Variants in KLHL29 observed in about 807,000 individuals in gnomAD.
KLHL29 encodes kelch-like protein 29.
A neutral mutation model predicts 80.4 loss-of-function variants in KLHL29; 21 were observed. That is an observed-to-expected ratio of 0.26 (90% confidence interval 0.19 to 0.38). The LOEUF is 0.38. KLHL29 is among the 10% of genes least tolerant of loss of function. KLHL29 has a pLI of 1.00. For synonymous variants in KLHL29, 511 were observed against 526.8 expected (o/e 0.97, Z 0.41); for missense variants, 867 against 1,223.9 (o/e 0.71, Z 4.35).
intron 5 of KLHL29, among the ~76,000 whole-genome samples, chr2:23,673,670 G>T (rs966018330): frequency 6.8e-6 from 1 of 147,200 alleles, no homozygotes; most frequent in Non-Finnish European, 1.5e-5. Context: ...ATACACAGGG[G>T]TGCATACACA....
chr2:23,420,414 T>A (rs2103401214), intron 1 of KLHL29, among the ~76,000 whole-genome samples: 1 of 152,298 alleles, frequency 6.6e-6, no homozygotes, highest in Admixed American at 6.5e-5. Flanking sequence ...GGGGCTTGTT[T>A]TACGGGAGGC....
At chr2:23,536,978 G>A (rs1031066253) in intron 2 of KLHL29, among the ~76,000 whole-genome samples, 1 of 149,880 alleles carries the variant, frequency 6.7e-6, no homozygotes. Flanking sequence ...TCCTTCAGGT[G>A]TGGTGTAAAG....
At chr2:23,627,105 T>C (rs1157040402) in intron 3 of KLHL29, among the ~76,000 whole-genome samples, 1 of 152,182 alleles carries the variant, frequency 6.6e-6, no homozygotes, top group Non-Finnish European at 1.5e-5. Context: ...GAGGGCTGTT[T>C]CTGTGTCCCC....
intron 1 of KLHL29, among the ~76,000 whole-genome samples, chr2:23,391,530 G>T (rs74563576): frequency 0.018 from 2,678 of 152,206 alleles, 34 homozygotes; most frequent in Admixed American, 0.026. Context: ...CGCGTTCAAG[G>T]GTTCAAGCAA....
At chr2:23,614,919 A>G (rs1488687073) in intron 3 of KLHL29, among the ~76,000 whole-genome samples, 6 of 152,200 alleles carry the variant, frequency 3.9e-5, no homozygotes, top group Admixed American at 2.0e-4. Flanking sequence ...CTGGGCATTG[A>G]TGATGGGAAT....
intron 2 of KLHL29, among the ~76,000 whole-genome samples, chr2:23,510,132 C>T (rs572427720): frequency 6.6e-5 from 10 of 152,110 alleles, no homozygotes; most frequent in African/African-American, 2.4e-4. Context: ...TCCTAAAGAC[C>T]CTTTATTCAG....
At chr2:23,390,980 T>C (rs895051778) in intron 1 of KLHL29, among the ~76,000 whole-genome samples, 42 of 152,348 alleles carry the variant, frequency 2.8e-4, no homozygotes, top group African/African-American at 9.6e-4. Context: ...AGCATTCACA[T>C]TGTTGTGCAA....
chr2:23,496,630 G>A (rs1440037690), intron 2 of KLHL29, among the ~76,000 whole-genome samples: 1 of 152,218 alleles, frequency 6.6e-6, no homozygotes, highest in Non-Finnish European at 1.5e-5. Flanking sequence ...AGGAAGCAAG[G>A]CCTCAGTGGC....
intron 5 of KLHL29, among the ~76,000 whole-genome samples, chr2:23,671,623 T>A (rs1670766107): frequency 1.3e-5 from 2 of 152,170 alleles, no homozygotes; most frequent in Non-Finnish European, 2.9e-5. Context: ...GCAGAAGCCC[T>A]GAGGCTGCTC....
chr2:23,636,213 G>A (rs1669604635), intron 3 of KLHL29, among the ~76,000 whole-genome samples: 3 of 152,190 alleles, frequency 2.0e-5, no homozygotes, highest in Non-Finnish European at 4.4e-5. Context: ...CACCCACCCG[G>A]GGGCCCAGCC....
rs1558444800 is a variant in KLHL29, at chr2:23,693,789, G to A, written c.1542+261G>A. ...CAGGGAGAAGTGGGTCCCTGAGCCA[G>A]GGGGCTCTGGGGCTCCCAGGAACAC... is the stretch of plus-strand genomic sequence containing the variant. On this transcript the variant is annotated intron_variant, in intron 8 of 13. Coordinates refer to ENST00000486442, the MANE Select transcript of KLHL29 (RefSeq NM_052920.2). Among the ~76,000 whole-genome samples, 5 of 152,328 alleles carry A rather than the reference G, an allele frequency of 3.3e-5. No individual in the cohort carries two copies. The South Asian group carries it at 1.0e-3, about 32-fold the overall frequency.
intron 1 of KLHL29, among the ~76,000 whole-genome samples, chr2:23,464,663 G>T (rs564515127): frequency 5.3e-5 from 8 of 152,050 alleles, no homozygotes; most frequent in Non-Finnish European, 1.2e-4. Flanking sequence ...CCTTTTTGAG[G>T]GCATCCAGGG....
intron 2 of KLHL29, among the ~76,000 whole-genome samples, chr2:23,546,895 T>C (rs1653782): frequency 0.11 from 16,208 of 151,960 alleles, 1,537 homozygotes; most frequent in African/African-American, 0.26. Flanking sequence ...AGGACCAGAG[T>C]TGGTCATCAA....
At position 23,643,139 on chromosome 2, in the gene KLHL29, G is replaced by T. The variant is rs1032787422; in HGVS notation, c.940+289G>T. On this transcript the variant is annotated intron_variant, in intron 5 of 13. Transcript: ENST00000486442. ...CAGAGCCCGTCCCCCTCCAGCCCAA[G>T]CCCTGGCCATTCTCACCTCCAACCC... 5.3e-6 allele frequency: 3 copies of T among 562,258 alleles called. No individual in the cohort carries two copies. The African/African-American group carries it at 5.6e-5, about 11-fold the overall frequency. The allele number at this position is 562,258 out of a possible 1,614,324, so 34.8% of individuals were successfully genotyped here.
At chr2:23,685,779 G>A (rs1228825293) in intron 6 of KLHL29, among the ~76,000 whole-genome samples, 1 of 152,192 alleles carries the variant, frequency 6.6e-6, no homozygotes, top group Non-Finnish European at 1.5e-5. Flanking sequence ...ATGTCTAGTG[G>A]CCTCACCAGG....
chr2:23,552,949 G>A (rs1229697830), intron 2 of KLHL29, among the ~76,000 whole-genome samples: 1 of 151,922 alleles, frequency 6.6e-6, no homozygotes, highest in African/African-American at 2.4e-5. Flanking sequence ...TAGTAGAGAC[G>A]TGGTTTCACC....
intron 2 of KLHL29, chr2:23,507,034 AC>A (rs1172938538): frequency 2.6e-6 from 1 of 387,074 alleles, no homozygotes; most frequent in Non-Finnish European, 5.7e-6. Context: ...AAAAGCTGTG[AC>A]CAAAGCTAGA....
Position 23,647,324 on chromosome 2 carries a change from C to T in KLHL29, c.940+4474C>T, listed in dbSNP as rs949185127. On this transcript the variant is annotated intron_variant, in intron 5 of 13. Coordinates refer to ENST00000486442, the MANE Select transcript of KLHL29 (RefSeq NM_052920.2). The surrounding 1 kb of genome is among the most constrained non-coding windows in gnomAD (Gnocchi z 4.9). ...TGGGAATGCATGATAAAGCTGTTCG[C>T]CCACACTCAGGCCAGAGGCACAGAA... Among the ~76,000 whole-genome samples, 2 of 152,170 alleles carry T rather than the reference C, an allele frequency of 1.3e-5. No homozygotes were observed. The highest frequency in any genetic ancestry group is 4.8e-5 in the African/African-American group (2 of 41,428).
rs1671973044 is a variant in KLHL29, at chr2:23,696,593, A to C, written c.2105+80A>C. On this transcript the variant is annotated intron_variant, in intron 11 of 13. Coordinates refer to ENST00000486442, the MANE Select transcript of KLHL29 (RefSeq NM_052920.2). This position sits in a 1 kb window ranked among gnomAD's most constrained non-coding sequence, Gnocchi z 5.5. ...ATCACGTCACTCACTGTACCTCCCA[A>C]CACCCACTCAGTGGCGATGGAGCAG... The C allele has an allele frequency of 1.7e-6, 2 of 1,147,842 alleles. No individual in the cohort carries two copies. Among genetic ancestry groups the C allele is most frequent in the Non-Finnish European group, 2.4e-6 (2 of 818,804 alleles). 71.1% of individuals were successfully genotyped at this position (1,147,842 alleles called of 1,614,324 possible).
Sources: allele counts gnomAD v4.1 joint callset (sites outside exome capture counted in the v4.1 genomes callset), GRCh38; gene constraint gnomAD v4.1.1; non-coding constraint Gnocchi (gnomAD v3.1); transcripts MANE v1.5; gene names NCBI Gene and HGNC (gene_info 2026-07-23, HGNC 2026-07-21).